DGKI: variants seen among roughly 807,000 people sequenced by gnomAD.
The protein encoded by DGKI is diacylglycerol kinase iota, also known as DAG kinase iota.
DGKI carries 55 observed loss-of-function variants against 147.5 expected under a neutral mutation model. The observed-to-expected ratio is 0.37, with a 90% CI of 0.30 to 0.47. The LOEUF (loss-of-function observed/expected upper bound fraction) is 0.47, where lower values mean the gene tolerates loss of function less well. DGKI is among the 20% of genes least tolerant of loss of function. The pLI, the probability that DGKI is intolerant of heterozygous loss-of-function variation, is 1.00. For missense variants in DGKI, 1,007 were observed against 1,323.8 expected, an observed-to-expected ratio of 0.76 and a Z score of 3.71; for synonymous variants, 469 against 477.1, an observed-to-expected ratio of 0.98 and a Z score of 0.22.
intron 23 of DGKI, among the ~76,000 whole-genome samples, chr7:137,479,476 A>C (rs1465107816): frequency 1.3e-5 from 2 of 152,200 alleles, no homozygotes; most frequent in African/African-American, 4.8e-5. Flanking sequence ...AATTGATGAG[A>C]AAATGATCTG....
chr7:137,397,521 G>A (rs1811597886), intron 30 of DGKI, 108 bp from the exon 31 acceptor site: 1 of 1,041,426 alleles, frequency 9.6e-7, no homozygotes, highest in Non-Finnish European at 1.4e-6. Flanking sequence ...CTAAATTTGG[G>A]GATAGGAATA....
intron 14 of DGKI, among the ~76,000 whole-genome samples, chr7:137,584,747 T>C (rs1006144274): frequency 6.6e-6 from 1 of 152,192 alleles, no homozygotes; most frequent in Non-Finnish European, 1.5e-5. Flanking sequence ...TATTGAGGTA[T>C]CTTCAAGTCC....
intron 20 of DGKI, chr7:137,546,110 G>T: frequency 1.8e-6 from 1 of 549,598 alleles, no homozygotes; most frequent in African/African-American, 1.9e-5. Flanking sequence ...AAAGGAAAAG[G>T]AAAACCAAGC....
At chr7:137,746,519 T>A (rs575752226) in intron 1 of DGKI, among the ~76,000 whole-genome samples, 3 of 152,288 alleles carry the variant, frequency 2.0e-5, no homozygotes, top group African/African-American at 7.2e-5. Context: ...AATTTCCCAC[T>A]GGCAGCCATC....
chr7:137,752,760 C>T (rs559679058), intron 1 of DGKI, among the ~76,000 whole-genome samples: 5 of 152,120 alleles, frequency 3.3e-5, no homozygotes, highest in African/African-American at 1.2e-4. Flanking sequence ...GAACAGGAAT[C>T]GCTCACTTGG....
chr7:137,518,121 G>A (rs775509370), intron 21 of DGKI, among the ~76,000 whole-genome samples: 52 of 151,898 alleles, frequency 3.4e-4, no homozygotes, highest in Non-Finnish European at 7.4e-4. Flanking sequence ...ATGACAGCAG[G>A]GCCTCTCTAA....
At chr7:137,598,333 C>T (rs1391214772) in intron 11 of DGKI, among the ~76,000 whole-genome samples, 3 of 152,030 alleles carry the variant, frequency 2.0e-5, no homozygotes, top group Non-Finnish European at 4.4e-5. Flanking sequence ...TATTAGTTTT[C>T]CCTGGATGTA....
In DGKI at chr7:137,385,966, T is replaced by A. The variant is rs1811165973; in HGVS notation, c.*5254A>T. On this transcript the variant is annotated 3_prime_UTR_variant, in exon 33 of 33. Coordinates refer to ENST00000614521, the MANE Select transcript of DGKI (RefSeq NM_001321708.2). ...ATTCATTGTTATATCCTTAGTATGATGCCTGCCTCAGAGTGACAAATATTT... is the reference window on the plus strand; with the variant it reads ...ATTCATTGTTATATCCTTAGTATGAAGCCTGCCTCAGAGTGACAAATATTT... 1 of 152,124 alleles carries A rather than the reference T, an allele frequency of 6.6e-6. No individual in the cohort carries two copies. Among genetic ancestry groups the A allele is most frequent in the African/African-American group, 2.4e-5 (1 of 41,446 alleles). 9.4% of individuals were successfully genotyped at this position (152,124 alleles called of 1,614,324 possible). A position where few individuals can be genotyped will look rare whatever the true frequency, so the allele number is the denominator to read the frequency against.
At chr7:137,679,753 C>T (rs1038617627) in intron 2 of DGKI, among the ~76,000 whole-genome samples, 6 of 151,708 alleles carry the variant, frequency 4.0e-5, no homozygotes, top group Admixed American at 6.6e-5. Context: ...TTTGGGAGGC[C>T]GAGGTGGGCA....
intron 1 of DGKI, among the ~76,000 whole-genome samples, chr7:137,708,145 T>C (rs1170299026): frequency 1.3e-5 from 2 of 152,234 alleles, no homozygotes; most frequent in African/African-American, 4.8e-5. Context: ...TCTTCTCTTC[T>C]GCCAGATAGC....
intron 1 of DGKI, among the ~76,000 whole-genome samples, chr7:137,761,390 A>G (rs1396954843): frequency 6.6e-6 from 1 of 152,154 alleles, no homozygotes; most frequent in Non-Finnish European, 1.5e-5. Context: ...CAGTTTCCCC[A>G]TGTTTCCTTG....
intron 28 of DGKI, among the ~76,000 whole-genome samples, chr7:137,425,235 G>A (rs1006195309): frequency 5.3e-5 from 8 of 152,324 alleles, no homozygotes; most frequent in Middle Eastern, 6.8e-3. Context: ...AGCATTTGTG[G>A]TTCACGAAAA....
At chr7:137,721,504 TACCCTAG>T (rs1469439921) in intron 1 of DGKI, among the ~76,000 whole-genome samples, 1 of 152,118 alleles carries the variant, frequency 6.6e-6, no homozygotes, top group African/African-American at 2.4e-5. Flanking sequence ...CCTCTACCAA[TACCCTAG>T]ACCAGGTCAT....
At chr7:137,568,729 C>T (rs984445321) in intron 19 of DGKI, among the ~76,000 whole-genome samples, 6 of 152,182 alleles carry the variant, frequency 3.9e-5, no homozygotes, top group East Asian at 1.9e-4. Context: ...ATCTTCTTTT[C>T]CTTTTTATCT....
At chr7:137,482,785 G>A (rs368707333) in intron 23 of DGKI, among the ~76,000 whole-genome samples, 4 of 152,086 alleles carry the variant, frequency 2.6e-5, no homozygotes, top group East Asian at 3.9e-4. Flanking sequence ...TGTTTAATGA[G>A]CAAATTCTGG....
intron 9 of DGKI, 67 bp from the exon 10 acceptor site, chr7:137,609,131 G>A (rs1820280213): frequency 7.5e-7 from 1 of 1,334,506 alleles, no homozygotes; most frequent in African/African-American, 1.5e-5. Context: ...CAAGGCAAGG[G>A]AGGTGGAAAA....
chr7:137,616,306 G>A (rs148971640), intron 8 of DGKI, among the ~76,000 whole-genome samples: 5 of 152,260 alleles, frequency 3.3e-5, no homozygotes, highest in African/African-American at 7.2e-5. Context: ...GATACTGAAT[G>A]TAAAATACTG....
At chr7:137,442,139 T>A (rs1813533948) in intron 28 of DGKI, among the ~76,000 whole-genome samples, 1 of 152,160 alleles carries the variant, frequency 6.6e-6, no homozygotes, top group Non-Finnish European at 1.5e-5. Flanking sequence ...AGAAACAAAC[T>A]AAGAGGTATG....
chr7:137,438,292 A>G (rs1813359934), intron 28 of DGKI, among the ~76,000 whole-genome samples: 1 of 152,164 alleles, frequency 6.6e-6, no homozygotes, highest in African/African-American at 2.4e-5. Context: ...TTCATAGAAG[A>G]GTAAACACAA....
Sources: gnomAD v4.1 joint callset for allele counts (sites outside exome capture counted in the v4.1 genomes callset) on GRCh38, gnomAD v4.1.1 for gene constraint, MANE v1.5 for transcripts, NCBI Gene and HGNC (gene_info 2026-07-23, HGNC 2026-07-21) for gene names.